Variants in TCF4 observed in about 807,000 individuals in gnomAD.
TCF4 encodes the protein transcription factor 4.
TCF4 carries 3 observed loss-of-function variants against 82.1 expected under a neutral mutation model. That is an observed-to-expected ratio of 0.04 (90% CI 0.02 to 0.09). TCF4 has a LOEUF of 0.09. Among genes scored for constraint, TCF4 ranks in the 10% least tolerant of loss-of-function variants. TCF4 has a pLI of 1.00. For missense variants in TCF4, 518 were observed against 852.7 expected, an observed-to-expected ratio of 0.61 and a Z score of 4.89; for synonymous variants, 276 against 309.6, an observed-to-expected ratio of 0.89 and a Z score of 1.14.
intron 8 of TCF4, among the ~76,000 whole-genome samples, chr18:55,347,439 G>T (rs1296661627): frequency 6.6e-6 from 1 of 152,070 alleles, no homozygotes; most frequent in Non-Finnish European, 1.5e-5. Flanking sequence ...CTGCCTGGTG[G>T]GTCTTCTGTT....
chr18:55,430,905 G>A (rs1014530850), intron 5 of TCF4, among the ~76,000 whole-genome samples: 3 of 152,182 alleles, frequency 2.0e-5, no homozygotes, highest in African/African-American at 4.8e-5. Context: ...GAGATTTGAA[G>A]TAAGTGATCA....
intron 8 of TCF4, among the ~76,000 whole-genome samples, chr18:55,335,694 C>T (rs940324585): frequency 6.6e-6 from 1 of 151,950 alleles, no homozygotes; most frequent in African/African-American, 2.4e-5. Flanking sequence ...CCTTAGTTTC[C>T]CTCTCTTCCA....
intron 2 of TCF4, among the ~76,000 whole-genome samples, chr18:55,610,729 T>G (rs2097706258): frequency 6.6e-6 from 1 of 152,200 alleles, no homozygotes; most frequent in South Asian, 2.1e-4. Flanking sequence ...CCCAAGACAT[T>G]GCAGAGGGAA....
intron 5 of TCF4, chr18:55,403,779 C>G: frequency 1.3e-6 from 2 of 1,525,026 alleles, no homozygotes; most frequent in South Asian, 1.2e-5. Flanking sequence ...TCCACTTTCT[C>G]TAACAAACAA....
chr18:55,506,435 G>A (rs931189347), intron 3 of TCF4, among the ~76,000 whole-genome samples: 8 of 152,206 alleles, frequency 5.3e-5, no homozygotes, highest in Non-Finnish European at 1.0e-4. Flanking sequence ...ATATTCAGAT[G>A]GAATCATCCA....
intron 15 of TCF4, among the ~76,000 whole-genome samples, chr18:55,240,322 A>AC (rs2050811407): frequency 6.6e-6 from 1 of 152,212 alleles, no homozygotes; most frequent in Non-Finnish European, 1.5e-5. Context: ...AGAAAAGCTG[A>AC]TGGGTTTTCA....
chr18:55,607,029 G>A (rs551382442), intron 2 of TCF4, among the ~76,000 whole-genome samples: 3 of 152,272 alleles, frequency 2.0e-5, no homozygotes, highest in Non-Finnish European at 4.4e-5. Context: ...GGCACCATAT[G>A]TTCGGCAATA....
At chr18:55,291,010 A>G (rs79052447) in intron 8 of TCF4, among the ~76,000 whole-genome samples, 8,066 of 152,284 alleles carry the variant, frequency 0.053, 235 homozygotes, top group Non-Finnish European at 0.068. Flanking sequence ...TTAAATCAAA[A>G]GGACTTTTCT....
At chr18:55,491,617 G>A (rs1281557984) in intron 3 of TCF4, among the ~76,000 whole-genome samples, 1 of 152,140 alleles carries the variant, frequency 6.6e-6, no homozygotes, top group Non-Finnish European at 1.5e-5. Context: ...TGAGGATCAA[G>A]TGTTATGTTT....
chr18:55,436,074 G>A (rs541620912), intron 5 of TCF4, among the ~76,000 whole-genome samples: 1 of 152,186 alleles, frequency 6.6e-6, no homozygotes, highest in Non-Finnish European at 1.5e-5. Flanking sequence ...AAAACTGATA[G>A]TAATCACTAC....
At chr18:55,481,487 T>C (rs1023970934) in intron 3 of TCF4, among the ~76,000 whole-genome samples, 9 of 152,236 alleles carry the variant, frequency 5.9e-5, no homozygotes, top group Non-Finnish European at 1.2e-4. Flanking sequence ...TGGTAACTGA[T>C]TGGCAAGAAA....
intron 8 of TCF4, among the ~76,000 whole-genome samples, chr18:55,287,712 T>C (rs902645671): frequency 6.6e-6 from 1 of 152,220 alleles, no homozygotes; most frequent in African/African-American, 2.4e-5. Context: ...AAGTGAGCCA[T>C]GCCAATTTAA....
At chr18:55,281,560 A>G (rs1779865091) in intron 8 of TCF4, among the ~76,000 whole-genome samples, 1 of 152,140 alleles carries the variant, frequency 6.6e-6, no homozygotes, top group Non-Finnish European at 1.5e-5. Context: ...TCCGACCCAT[A>G]TTATTAAATC....
At chr18:55,498,919 G>A (rs1019128848) in intron 3 of TCF4, among the ~76,000 whole-genome samples, 6 of 152,036 alleles carry the variant, frequency 3.9e-5, no homozygotes, top group Admixed American at 6.6e-5. Flanking sequence ...AAATCCCTGT[G>A]GGCAGTTAGG....
chr18:55,256,100 A>G (rs993758869), intron 14 of TCF4, among the ~76,000 whole-genome samples: 3 of 152,162 alleles, frequency 2.0e-5, no homozygotes, highest in African/African-American at 7.2e-5. Flanking sequence ...ATGATAATAC[A>G]TACTTACTTC....
chr18:55,468,890 C>A lies in TCF4; in HGVS notation c.146-4753G>T, dbSNP rs866205603. On this transcript the variant is annotated intron_variant, in intron 3 of 19. Transcript: ENST00000354452. ...AATCTATTTAGTTCTCGCCCCCCCC[C>A]CCCTTGTTCTATTGCCACCCTTTTT... Among the ~76,000 whole-genome samples, 30 of 131,230 alleles carry A rather than the reference C, an allele frequency of 2.3e-4. 1 individual carries two copies. In the South Asian group the frequency reaches 5.9e-3, roughly 26 times the overall value. 86.1% of individuals were successfully genotyped at this position (131,230 alleles called of 152,430 possible).
At chr18:55,336,631 T>C (rs1267223377) in intron 8 of TCF4, among the ~76,000 whole-genome samples, 3 of 152,142 alleles carry the variant, frequency 2.0e-5, no homozygotes, top group African/African-American at 7.2e-5. Flanking sequence ...AACAGACATA[T>C]GCTGTATAAT....
chr18:55,290,180 T>C (rs1038519959), intron 8 of TCF4, among the ~76,000 whole-genome samples: 2 of 152,246 alleles, frequency 1.3e-5, no homozygotes, highest in African/African-American at 2.4e-5. Flanking sequence ...CACCATTCCC[T>C]ACCCTTTTCC....
At chr18:55,437,709 G>A (rs1473159386) in intron 5 of TCF4, among the ~76,000 whole-genome samples, 3 of 152,100 alleles carry the variant, frequency 2.0e-5, no homozygotes, top group South Asian at 2.1e-4. Context: ...TCTCACAGAC[G>A]GAGCCCAGGC....
Sources: gnomAD v4.1 joint callset for allele counts (sites outside exome capture counted in the v4.1 genomes callset) on GRCh38, gnomAD v4.1.1 for gene constraint, MANE v1.5 for transcripts, NCBI Gene and HGNC (gene_info 2026-07-23, HGNC 2026-07-21) for gene names.